EPHB1: variants seen among roughly 807,000 people sequenced by gnomAD.
EPHB1 encodes the protein ephrin type-B receptor 1.
In EPHB1, 30 loss-of-function variants were observed where a neutral mutation model predicts 94.4. The ratio of observed to expected loss-of-function variants is 0.32; its 90% CI spans 0.24 to 0.43. The LOEUF (loss-of-function observed/expected upper bound fraction) is 0.43. Among genes scored for constraint, EPHB1 ranks in the 20% least tolerant of loss-of-function variants. The pLI, the probability that EPHB1 is intolerant of heterozygous loss-of-function variation, is 1.00. For missense variants in EPHB1, 1,055 were observed against 1,308.3 expected, an observed-to-expected ratio of 0.81 and a Z score of 2.99; for synonymous variants, 522 against 489.1, an observed-to-expected ratio of 1.07 and a Z score of -0.89.
chr3:135,031,045 G>A (rs1312804823), intron 3 of EPHB1, among the ~76,000 whole-genome samples: 2 of 152,146 alleles, frequency 1.3e-5, no homozygotes, highest in African/African-American at 2.4e-5. Context: ...GACCCCTTGC[G>A]CTTCCCGAGT....
At chr3:134,984,971 C>T (rs577438069) in intron 3 of EPHB1, among the ~76,000 whole-genome samples, 2 of 152,206 alleles carry the variant, frequency 1.3e-5, no homozygotes, top group African/African-American at 4.8e-5. Flanking sequence ...AAAAAAAGAG[C>T]TGTGGATGAG....
chr3:134,858,041 C>G (rs1378294185), intron 1 of EPHB1, among the ~76,000 whole-genome samples: 1 of 152,144 alleles, frequency 6.6e-6, no homozygotes, highest in Non-Finnish European at 1.5e-5. Flanking sequence ...GCAGGCTTCC[C>G]AGAAGCCCTC....
At chr3:134,995,436 A>G (rs1934957783) in intron 3 of EPHB1, among the ~76,000 whole-genome samples, 1 of 152,222 alleles carries the variant, frequency 6.6e-6, no homozygotes, top group African/African-American at 2.4e-5. Flanking sequence ...GGCAATTAAG[A>G]ATGAAGCTGC....
At chr3:135,072,124 A>G (rs1937738738) in intron 3 of EPHB1, among the ~76,000 whole-genome samples, 1 of 152,144 alleles carries the variant, frequency 6.6e-6, no homozygotes, top group South Asian at 2.1e-4. Context: ...TTGTAATCCC[A>G]GCTCTTTGGG....
intron 13 of EPHB1, 22 bp from the exon 14 acceptor site, chr3:135,248,294 T>G: frequency 6.5e-7 from 1 of 1,548,878 alleles, no homozygotes; most frequent in Non-Finnish European, 8.8e-7. Context: ...CAATCACACC[T>G]GTTCCCTGTA....
At chr3:135,243,647 T>C (rs1020751717) in intron 13 of EPHB1, among the ~76,000 whole-genome samples, 2 of 152,212 alleles carry the variant, frequency 1.3e-5, no homozygotes, top group Non-Finnish European at 2.9e-5. Flanking sequence ...GGCTGAAGCC[T>C]CACTCATCAG....
At chr3:134,956,104 G>A (rs4955523) in intron 3 of EPHB1, among the ~76,000 whole-genome samples, 75,094 of 151,776 alleles carry the variant, frequency 0.49, 19,410 homozygotes, top group African/African-American at 0.63. Context: ...AGGAGGCTGG[G>A]GCTGTTAGAA....
At chr3:135,177,246 G>T (rs1418165857) in intron 9 of EPHB1, among the ~76,000 whole-genome samples, 1 of 152,188 alleles carries the variant, frequency 6.6e-6, no homozygotes, top group Admixed American at 6.5e-5. Context: ...TCACCTGTGG[G>T]TCCCAGCATC....
intron 1 of EPHB1, among the ~76,000 whole-genome samples, chr3:134,822,004 A>G (rs1304113975): frequency 6.6e-6 from 1 of 152,188 alleles, no homozygotes; most frequent in East Asian, 1.9e-4. Context: ...GTGAAAGACA[A>G]TGTTGAAAAG....
chr3:135,070,265 AG>A (rs968590771), intron 3 of EPHB1, among the ~76,000 whole-genome samples: 7 of 152,136 alleles, frequency 4.6e-5, no homozygotes, highest in Non-Finnish European at 1.0e-4. Context: ...GGTTATGGAG[AG>A]GGACTCTGGT....
At chr3:134,947,996 T>C (rs1308651286) in intron 2 of EPHB1, among the ~76,000 whole-genome samples, 4 of 152,092 alleles carry the variant, frequency 2.6e-5, no homozygotes, top group Non-Finnish European at 5.9e-5. Flanking sequence ...GGTCTCTCTG[T>C]GTCACCCATT....
At chr3:135,143,188 T>C (rs1188633945) in intron 5 of EPHB1, among the ~76,000 whole-genome samples, 1 of 151,630 alleles carries the variant, frequency 6.6e-6, no homozygotes, top group Admixed American at 6.6e-5. Flanking sequence ...GGCTCAGTAG[T>C]CAGTGGGAAA....
intron 3 of EPHB1, among the ~76,000 whole-genome samples, chr3:135,004,318 C>T (rs867375535): frequency 0.032 from 4,854 of 151,054 alleles, 276 homozygotes; most frequent in African/African-American, 0.11. Flanking sequence ...GGGTTTCTGC[C>T]GAGAGATCTG....
intron 1 of EPHB1, among the ~76,000 whole-genome samples, chr3:134,798,709 C>T (rs1268290942): frequency 1.3e-5 from 2 of 152,198 alleles, no homozygotes; most frequent in Admixed American, 1.3e-4. Context: ...TTCCCACCTG[C>T]TCTGAGAGCT....
Position 134,845,492 on chromosome 3 carries a change from A to G in EPHB1, c.58+49803A>G, listed in dbSNP as rs113918494. On this transcript the variant is annotated intron_variant, in intron 1 of 15. Transcript: ENST00000398015. ...TTGCAAAGCTGTGGGCAATAGCTACAACTGGTATGAGTGAAGAAGTGCAGG... is the reference window on the plus strand; with the variant it reads ...TTGCAAAGCTGTGGGCAATAGCTACGACTGGTATGAGTGAAGAAGTGCAGG... Among the ~76,000 whole-genome samples the G allele has an allele frequency of 8.4e-3, 1,283 of 152,350 alleles. 13 individuals are homozygous for G. Among genetic ancestry groups the G allele is most frequent in the Non-Finnish European group, 9.3e-3 (631 of 68,024 alleles).
At chr3:134,894,551 T>A (rs945624319) in intron 1 of EPHB1, among the ~76,000 whole-genome samples, 1 of 152,208 alleles carries the variant, frequency 6.6e-6, no homozygotes, top group African/African-American at 2.4e-5. Context: ...GTCTAAACAC[T>A]GTTTATAAAG....
intron 4 of EPHB1, among the ~76,000 whole-genome samples, chr3:135,115,369 T>A (rs1939649292): frequency 6.6e-6 from 1 of 152,140 alleles, no homozygotes. Context: ...TATTCTCTGC[T>A]CCAATTGTTC....
intron 1 of EPHB1, among the ~76,000 whole-genome samples, chr3:134,865,981 A>C (rs1190802189): frequency 6.6e-6 from 1 of 152,204 alleles, no homozygotes; most frequent in Non-Finnish European, 1.5e-5. Flanking sequence ...GGGACTTGTT[A>C]AAAATAAGGA....
chr3:135,206,200 G>A (rs947138241), intron 12 of EPHB1, among the ~76,000 whole-genome samples: 4 of 152,066 alleles, frequency 2.6e-5, no homozygotes, highest in African/African-American at 9.7e-5. Context: ...TGTGAAGCAG[G>A]AGTTTGTTCC....
Sources: allele counts gnomAD v4.1 joint callset (sites outside exome capture counted in the v4.1 genomes callset), GRCh38; gene constraint gnomAD v4.1.1; transcripts MANE v1.5; gene names NCBI Gene and HGNC (gene_info 2026-07-23, HGNC 2026-07-21).